Variants in PCDH11X observed in about 807,000 individuals in gnomAD.
PCDH11X encodes the protein protocadherin 11 X-linked.
Under a neutral mutation model 53.3 loss-of-function variants are expected in PCDH11X, and 18 were observed. That is an observed-to-expected ratio of 0.34 (90% CI 0.23 to 0.50). The LOEUF is 0.50. Ranked by LOEUF, PCDH11X falls within the 20% of genes least tolerant of loss-of-function variation. PCDH11X has a pLI of 0.98. For synonymous variants in PCDH11X, 279 were observed against 393.3 expected, an observed-to-expected ratio of 0.71 and a Z score of 3.44; for missense variants, 570 against 1,032.4, an observed-to-expected ratio of 0.55 and a Z score of 6.14.
At chrX:92,552,030 G>T (rs2148751506) in intron 10 of PCDH11X, among the ~76,000 whole-genome samples, 1 of 82,808 alleles carries the variant, frequency 1.2e-5, no homozygotes. Context: ...TTGATAATTT[G>T]GGAATTTTTG....
intron 5 of PCDH11X, among the ~76,000 whole-genome samples, chrX:91,852,320 T>A (rs1243241083): frequency 9.1e-6 from 1 of 109,580 alleles, no homozygotes; most frequent in Non-Finnish European, 1.9e-5. Flanking sequence ...CAGCCCAAAA[T>A]TAGGTATTAT....
At chrX:92,433,236 AG>A (rs1409149801) in intron 9 of PCDH11X, among the ~76,000 whole-genome samples, 2 of 111,708 alleles carry the variant, frequency 1.8e-5, no homozygotes, top group Non-Finnish European at 3.8e-5. Flanking sequence ...GCTGTTTTAA[AG>A]CTTCAGTATC....
At chrX:92,408,796 A>G (rs2071582111) in intron 9 of PCDH11X, among the ~76,000 whole-genome samples, 1 of 108,757 alleles carries the variant, frequency 9.2e-6, no homozygotes, top group Admixed American at 9.8e-5. Context: ...GTTAGCCAGG[A>G]CGGTCTCGAT....
At chrX:92,585,205 C>G (rs1430287370) in intron 10 of PCDH11X, among the ~76,000 whole-genome samples, 1 of 109,978 alleles carries the variant, frequency 9.1e-6, no homozygotes, top group Non-Finnish European at 1.9e-5. Flanking sequence ...GATGGTTTAG[C>G]ATTCATGAAG....
intron 6 of PCDH11X, among the ~76,000 whole-genome samples, chrX:92,002,749 C>T (rs949711169): frequency 3.0e-4 from 32 of 107,569 alleles, no homozygotes; most frequent in African/African-American, 1.0e-3. Context: ...TTGTATCCTG[C>T]AACTTTACTG....
intron 6 of PCDH11X, among the ~76,000 whole-genome samples, chrX:91,994,814 T>A (rs60542769): frequency 0.018 from 2,012 of 110,908 alleles, 38 homozygotes; most frequent in African/African-American, 0.061. Flanking sequence ...AATTGATGTT[T>A]TTACTGTTTT....
At chrX:91,834,043 C>A (rs1937207542) in intron 4 of PCDH11X, among the ~76,000 whole-genome samples, 1 of 111,158 alleles carries the variant, frequency 9.0e-6, no homozygotes, top group African/African-American at 3.3e-5. Flanking sequence ...TGCTAAATAC[C>A]TTAATAGTTG....
chrX:91,788,462 A>C (rs2147515162), intron 1 of PCDH11X, among the ~76,000 whole-genome samples: 1 of 112,179 alleles, frequency 8.9e-6, no homozygotes, highest in African/African-American at 3.2e-5. Flanking sequence ...AATGGCTAGA[A>C]ATATACATTC....
chrX:91,827,477 A>C (rs1033550221), intron 4 of PCDH11X, among the ~76,000 whole-genome samples: 1 of 110,288 alleles, frequency 9.1e-6, no homozygotes, highest in Non-Finnish European at 1.9e-5. Context: ...CCATTTGTCA[A>C]TTTTGCTTTT....
intron 6 of PCDH11X, among the ~76,000 whole-genome samples, chrX:92,073,407 A>G (rs773024922): frequency 8.9e-6 from 1 of 112,623 alleles, no homozygotes; most frequent in South Asian, 3.7e-4. Flanking sequence ...TCATTGCAGA[A>G]AAGTGTGTAT....
At chrX:92,223,851 A>G (rs185247254) in intron 7 of PCDH11X, among the ~76,000 whole-genome samples, 202 of 111,416 alleles carry the variant, frequency 1.8e-3, no homozygotes, top group Admixed American at 3.8e-3. Context: ...ATATATACAT[A>G]TGGTGTATGT....
At chrX:91,912,257 T>C (rs755330699) in intron 6 of PCDH11X, among the ~76,000 whole-genome samples, 2 of 111,582 alleles carry the variant, frequency 1.8e-5, no homozygotes, top group South Asian at 7.5e-4. Flanking sequence ...CCATCATGGA[T>C]GCCTTTCATA....
intron 10 of PCDH11X, among the ~76,000 whole-genome samples, chrX:92,585,412 C>T (rs1924272792): frequency 9.7e-6 from 1 of 103,191 alleles, no homozygotes; most frequent in African/African-American, 3.6e-5. Flanking sequence ...CGCTCTGTCG[C>T]CCAGGCTGGA....
intron 10 of PCDH11X, among the ~76,000 whole-genome samples, chrX:92,501,807 G>A (rs1315836954): frequency 4.5e-5 from 5 of 111,115 alleles, no homozygotes; most frequent in Non-Finnish European, 3.8e-5. Context: ...TTGAAAACTG[G>A]CACAAGGCAA....
At chrX:92,438,049 C>T (rs888006329) in intron 9 of PCDH11X, among the ~76,000 whole-genome samples, 3 of 111,349 alleles carry the variant, frequency 2.7e-5, no homozygotes, top group Non-Finnish European at 5.7e-5. Context: ...GGTAGTAAGA[C>T]ATACATAAGC....
intron 10 of PCDH11X, among the ~76,000 whole-genome samples, chrX:92,531,458 A>G (rs894930497): frequency 2.7e-5 from 3 of 111,519 alleles, no homozygotes; most frequent in African/African-American, 9.7e-5. Context: ...ATTCATAAAG[A>G]TATTTATACA....
chrX:92,045,260 A>G (rs1276731344), intron 6 of PCDH11X, among the ~76,000 whole-genome samples: 2 of 105,166 alleles, frequency 1.9e-5, no homozygotes, highest in Non-Finnish European at 3.9e-5. Context: ...CAGATAAGAA[A>G]CAAAGGCATA....
In PCDH11X at chrX:92,539,103, T is replaced by A. The variant is rs756163752; in HGVS notation, c.3367+70781T>A. Among the ~76,000 whole-genome samples the A allele has an allele frequency of 2.7e-5, 3 of 110,235 alleles. No individual in the cohort carries two copies. The East Asian group carries it at 8.6e-4, about 32-fold the overall frequency. ...TCTTCTTTGGGTTAAATCTGCATGGTGTTTTGTAACCTCTTTGTACTTGAA... is the reference window on the plus strand; with the variant it reads ...TCTTCTTTGGGTTAAATCTGCATGGAGTTTTGTAACCTCTTTGTACTTGAA... On this transcript the variant is annotated intron_variant, in intron 10 of 10. Transcript: ENST00000682573.
chrX:92,431,849 T>G (rs2072257353), intron 9 of PCDH11X, among the ~76,000 whole-genome samples: 1 of 110,080 alleles, frequency 9.1e-6, no homozygotes, highest in Non-Finnish European at 1.9e-5. Context: ...GTTAAAATCT[T>G]AAACAAATTT....
Sources: gnomAD v4.1 joint callset for allele counts (sites outside exome capture counted in the v4.1 genomes callset) on GRCh38, gnomAD v4.1.1 for gene constraint, MANE v1.5 for transcripts, NCBI Gene and HGNC (gene_info 2026-07-23, HGNC 2026-07-21) for gene names.